The following ASIC2 variants were observed in gnomAD, a reference collection of about 807,000 sequenced individuals.
The protein encoded by ASIC2 is acid-sensing ion channel 2.
Under a neutral mutation model 57.3 loss-of-function variants are expected in ASIC2, and 25 were observed. That is an observed-to-expected ratio of 0.44 (90% CI 0.32 to 0.61). ASIC2 has a LOEUF of 0.61. Ranked by LOEUF, ASIC2 falls within the 20% of genes least tolerant of loss-of-function variation. The pLI, the probability that ASIC2 is intolerant of heterozygous loss-of-function variation, is 0.06. For synonymous variants in ASIC2, 319 were observed against 307.5 expected (o/e 1.04, Z -0.39); for missense variants, 641 against 738.1 (o/e 0.87, Z 1.52).
At chr17:33,192,821 A>G (rs958507603) in intron 1 of ASIC2, among the ~76,000 whole-genome samples, 1 of 152,246 alleles carries the variant, frequency 6.6e-6, no homozygotes, top group African/African-American at 2.4e-5. Flanking sequence ...TTTTCTAATT[A>G]ACATTTTCTT....
intron 1 of ASIC2, among the ~76,000 whole-genome samples, chr17:33,214,006 T>C (rs1018790023): frequency 6.6e-6 from 1 of 152,116 alleles, no homozygotes; most frequent in Non-Finnish European, 1.5e-5. Context: ...CGATCCTTGA[T>C]GGTATAATGT....
intron 3 of ASIC2, among the ~76,000 whole-genome samples, chr17:33,071,084 T>A (rs2092067357): frequency 6.6e-6 from 1 of 152,120 alleles, no homozygotes; most frequent in African/African-American, 2.4e-5. Flanking sequence ...TTTGCTGTAG[T>A]TTTCTTCATG....
Position 34,075,398 on chromosome 17 carries a change from G to GT in ASIC2, c.555+80579dup, listed in dbSNP as rs1363265130. Among the ~76,000 whole-genome samples the GT allele has an allele frequency of 2.6e-5, 4 of 152,320 alleles. No homozygotes were observed. The East Asian group carries it at 7.7e-4, about 29-fold the overall frequency. The stretch of plus-strand genomic sequence containing the variant: ...AGTCACTGGCCCTTTCCGAGACACA[G>GT]TTTCCCCATTGGTACTAGACTCAAT... On this transcript the variant is annotated intron_variant, in intron 1 of 9. Coordinates refer to the ASIC2 transcript ENST00000359872.
At chr17:33,117,697 C>T (rs1309863448) in intron 1 of ASIC2, among the ~76,000 whole-genome samples, 1 of 152,176 alleles carries the variant, frequency 6.6e-6, no homozygotes, top group African/African-American at 2.4e-5. Flanking sequence ...TTCTCAATTC[C>T]AGTGTTCTCT....
intron 1 of ASIC2, among the ~76,000 whole-genome samples, chr17:33,484,796 C>A (rs557689136): frequency 6.6e-6 from 1 of 152,328 alleles, no homozygotes; most frequent in East Asian, 1.9e-4. Flanking sequence ...ATTGCCATGG[C>A]AACACCCAGG....
intron 1 of ASIC2, among the ~76,000 whole-genome samples, chr17:33,349,084 T>C (rs1908062533): frequency 6.6e-6 from 1 of 152,180 alleles, no homozygotes. Flanking sequence ...GACCACACTT[T>C]GAGTAGTGAA....
At position 33,015,960 on chromosome 17, in the gene ASIC2, G is replaced by A; in HGVS notation, c.1590+11C>T. 1.2e-6 allele frequency: 2 copies of A among 1,614,002 alleles called. No individual in the cohort carries two copies. Among genetic ancestry groups the A allele is most frequent in the Non-Finnish European group, 1.7e-6 (2 of 1,179,886 alleles). On this transcript the variant is annotated intron_variant, in intron 9 of 9. Transcript: ENST00000225823. Reference sequence around the variant, plus strand: ...CAGCAGAACAACTTCCAATCAGTGAGCTGCTCTTACCACATTCTCATCGTG... The same window carrying A: ...CAGCAGAACAACTTCCAATCAGTGAACTGCTCTTACCACATTCTCATCGTG...
At chr17:33,211,455 C>T (rs1907269092) in intron 1 of ASIC2, among the ~76,000 whole-genome samples, 2 of 151,414 alleles carry the variant, frequency 1.3e-5, no homozygotes. Flanking sequence ...GACATCACCA[C>T]CAAGGTGACC....
intron 1 of ASIC2, among the ~76,000 whole-genome samples, chr17:33,589,893 C>G (rs1035979422): frequency 9.9e-5 from 15 of 152,174 alleles, no homozygotes; most frequent in African/African-American, 3.6e-4. Flanking sequence ...ATTGGTAGAT[C>G]ATATGATAAT....
In ASIC2 at chr17:33,888,902, G is replaced by A. The variant is rs114790701; in HGVS notation, c.555+267076C>T. ...CACAATCGGTCCACAGTATAATAAC[G>A]TAGGAACCATTGCATGGGGGAAGCA... On this transcript the variant is annotated intron_variant, in intron 1 of 9. Transcript: ENST00000359872. Among the ~76,000 whole-genome samples, 1,288 of 152,164 alleles carry A rather than the reference G, an allele frequency of 8.5e-3. 16 individuals are homozygous for A. Among genetic ancestry groups the A allele is most frequent in the African/African-American group, 0.028 (1,146 of 41,500 alleles).
At chr17:33,410,259 G>A (rs1342657614) in intron 1 of ASIC2, among the ~76,000 whole-genome samples, 2 of 152,082 alleles carry the variant, frequency 1.3e-5, no homozygotes, top group East Asian at 1.9e-4. Flanking sequence ...TCACAGCCCC[G>A]GAACATGCTG....
At chr17:33,871,984 T>C (rs1042077742) in intron 1 of ASIC2, among the ~76,000 whole-genome samples, 3 of 152,074 alleles carry the variant, frequency 2.0e-5, no homozygotes, top group African/African-American at 7.2e-5. Context: ...TGATGAGCCA[T>C]GCTGTTCTTG....
chr17:33,605,193 C>T (rs1245081061), intron 1 of ASIC2, among the ~76,000 whole-genome samples: 1 of 152,218 alleles, frequency 6.6e-6, no homozygotes. Flanking sequence ...GCAAGTGATA[C>T]CTTCTGTGTC....
chr17:33,445,346 G>A (rs940151463), intron 1 of ASIC2, among the ~76,000 whole-genome samples: 2 of 152,224 alleles, frequency 1.3e-5, no homozygotes, highest in African/African-American at 4.8e-5. Flanking sequence ...CACAATAATT[G>A]CTTGAACCTG....
At chr17:33,613,569 G>A (rs67032529) in intron 1 of ASIC2, among the ~76,000 whole-genome samples, 11,612 of 151,832 alleles carry the variant, frequency 0.076, 1,334 homozygotes, top group African/African-American at 0.25. Context: ...GGTTTTCACC[G>A]TGTTAGCCAG....
chr17:33,986,134 A>G (rs1905809805), intron 1 of ASIC2, among the ~76,000 whole-genome samples: 1 of 151,888 alleles, frequency 6.6e-6, no homozygotes, highest in African/African-American at 2.4e-5. Context: ...ATACAATTTC[A>G]TAATTTATTG....
At chr17:33,662,488 G>T (rs958937155) in intron 1 of ASIC2, among the ~76,000 whole-genome samples, 1 of 143,616 alleles carries the variant, frequency 7.0e-6, no homozygotes, top group Non-Finnish European at 1.5e-5. Flanking sequence ...AGGTGTGGTG[G>T]GGGGGGCACC....
At chr17:33,155,344 G>C (rs1408785945) in intron 1 of ASIC2, among the ~76,000 whole-genome samples, 1 of 152,224 alleles carries the variant, frequency 6.6e-6, no homozygotes, top group Non-Finnish European at 1.5e-5. Flanking sequence ...TGCTCCACAG[G>C]TGTCTGCGCA....
At chr17:33,985,902 C>T (rs1905802267) in intron 1 of ASIC2, among the ~76,000 whole-genome samples, 1 of 152,198 alleles carries the variant, frequency 6.6e-6, no homozygotes, top group Non-Finnish European at 1.5e-5. Context: ...AGCCTCAGGG[C>T]CTTTGGCCTG....
Sources: gnomAD v4.1 joint callset for allele counts (sites outside exome capture counted in the v4.1 genomes callset) on GRCh38, gnomAD v4.1.1 for gene constraint, MANE v1.5 for transcripts, NCBI Gene and HGNC (gene_info 2026-07-23, HGNC 2026-07-21) for gene names.